The following BCAS3 variants were observed in gnomAD, a reference collection of about 807,000 sequenced individuals.
The protein encoded by BCAS3 is BCAS3 microtubule associated cell migration factor.
Under a neutral mutation model 116.1 loss-of-function variants are expected in BCAS3, and 53 were observed. The ratio of observed to expected loss-of-function variants is 0.46; its 90% CI spans 0.37 to 0.57. The LOEUF (loss-of-function observed/expected upper bound fraction) is 0.57. BCAS3 is among the 20% of genes least tolerant of loss of function. The probability of loss-of-function intolerance (pLI) is 0.00; values close to 1 mark genes in which losing one functional copy is unlikely to be tolerated. For synonymous variants in BCAS3, 391 were observed against 408.2 expected, an observed-to-expected ratio of 0.96 and a Z score of 0.51; for missense variants, 917 against 1,165.4, an observed-to-expected ratio of 0.79 and a Z score of 3.10.
At position 60,955,386 on chromosome 17, in the gene BCAS3, A is replaced by ATTTT. The variant is rs1016334366; in HGVS notation, c.1221+8050_1221+8053dup. Among the ~76,000 whole-genome samples the ATTTT allele has an allele frequency of 1.3e-3, 167 of 128,086 alleles. 7 individuals are homozygous for ATTTT. Among genetic ancestry groups the ATTTT allele is most frequent in the African/African-American group, 5.4e-3 (154 of 28,292 alleles). The allele number at this position is 128,086 out of a possible 152,430, so 84.0% of individuals were successfully genotyped here. The stretch of plus-strand genomic sequence containing the variant: ...AAAGGATCTAGTTCAGGGAAACTGA[A>ATTTT]TTTTTTTTTTTTTTTTTTTGAGACA... On this transcript the variant is annotated intron_variant, in intron 14 of 23. Transcript: ENST00000407086.
chr17:61,316,049 G>T lies in BCAS3; in HGVS notation c.2426-52278G>T, dbSNP rs895166213. Reference sequence around the variant, plus strand: ...GCCAGGCGTGGTGGCTCACACCTTTGATCCCAGCATTTTGGGAAGTCGAGG... The same window carrying T: ...GCCAGGCGTGGTGGCTCACACCTTTTATCCCAGCATTTTGGGAAGTCGAGG... On this transcript the variant is annotated intron_variant, in intron 22 of 23. Transcript: ENST00000407086. This position sits in a 1 kb window ranked among gnomAD's most constrained non-coding sequence, Gnocchi z 5.8. Among the ~76,000 whole-genome samples, 2 of 152,100 alleles carry T rather than the reference G, an allele frequency of 1.3e-5. No individual in the cohort carries two copies. The highest frequency in any genetic ancestry group is 2.9e-5 in the Non-Finnish European group (2 of 68,028).
intron 13 of BCAS3, among the ~76,000 whole-genome samples, chr17:60,936,296 G>A (rs1464924519): frequency 6.8e-6 from 1 of 148,058 alleles, no homozygotes; most frequent in Non-Finnish European, 1.5e-5. Flanking sequence ...CTTTGCTATT[G>A]TGAATAGTGC....
chr17:61,006,044 G>A (rs958948640), intron 15 of BCAS3, among the ~76,000 whole-genome samples: 9 of 151,672 alleles, frequency 5.9e-5, no homozygotes, highest in South Asian at 4.2e-4. Context: ...GAGAATATGC[G>A]GTGTTTGGTT....
Position 61,215,835 on chromosome 17 carries a change from G to C in BCAS3, c.2425+131271G>C, listed in dbSNP as rs2081750871. Among the ~76,000 whole-genome samples the C allele has an allele frequency of 6.6e-6, 1 of 152,172 alleles. No homozygotes were observed. Among genetic ancestry groups the C allele is most frequent in the African/African-American group, 2.4e-5 (1 of 41,438 alleles). On this transcript the variant is annotated intron_variant, in intron 22 of 23. Coordinates refer to ENST00000407086, the MANE Select transcript of BCAS3 (RefSeq NM_017679.5). This position sits in a 1 kb window ranked among gnomAD's most constrained non-coding sequence, Gnocchi z 4.8. ...TTTAAAAATTCCAGTTGAAGTTGGA[G>C]CTTAGGCATCAGTATTTTTCAGACT...
intron 22 of BCAS3, among the ~76,000 whole-genome samples, chr17:61,331,207 TG>T (rs1237830826): frequency 1.3e-5 from 2 of 151,648 alleles, no homozygotes; most frequent in Non-Finnish European, 2.9e-5. Context: ...ATGGAGAAGA[TG>T]GGGGCTAGAG....
rs1398892380 is a variant in BCAS3, at chr17:60,967,102, G to A, written c.1221+19750G>A. 6.6e-6 allele frequency among the ~76,000 whole-genome samples: 1 copy of A among 152,178 alleles called. No homozygotes were observed. Among genetic ancestry groups the A allele is most frequent in the African/African-American group, 2.4e-5 (1 of 41,426 alleles). On this transcript the variant is annotated intron_variant, in intron 14 of 23. Transcript: ENST00000407086. This position sits in a 1 kb window ranked among gnomAD's most constrained non-coding sequence, Gnocchi z 4.7. The stretch of plus-strand genomic sequence containing the variant: ...ATTGTACACCACCATTTCAGTTATA[G>A]AGTATTTTGTGTTTCACCATGTACT...
rs2076620099 is a variant in BCAS3 at position 61,136,096 on chromosome 17, G to A, written c.2425+51532G>A. On this transcript the variant is annotated intron_variant, in intron 22 of 23. Transcript: ENST00000407086. The surrounding 1 kb of genome is among the most constrained non-coding windows in gnomAD (Gnocchi z 4.4). ...GCCTTCCCCGCGACCGGCAGCCTGA[G>A]CTCTAACAATTCTCAACTACTAGCA... 6.5e-6 allele frequency: 1 copy of A among 153,788 alleles called. No homozygotes were observed. The allele number at this position is 153,788 out of a possible 1,614,324, so 9.5% of individuals were successfully genotyped here. A position where few individuals can be genotyped will look rare whatever the true frequency, so the allele number is the denominator to read the frequency against.
intron 23 of BCAS3, among the ~76,000 whole-genome samples, chr17:61,375,218 TTG>T (rs59961930): frequency 0.14 from 19,465 of 142,652 alleles, 2,088 homozygotes; most frequent in African/African-American, 0.33. Context: ...AAAGCACTAT[TTG>T]TGTGTGTGTG....
chr17:61,043,518 G>T (rs1356468874), intron 19 of BCAS3, among the ~76,000 whole-genome samples: 1 of 151,968 alleles, frequency 6.6e-6, no homozygotes, highest in Non-Finnish European at 1.5e-5. Flanking sequence ...CCTGCCTGGG[G>T]CCATTGCCTG....
At chr17:61,277,908 G>A (rs1414095162) in intron 22 of BCAS3, among the ~76,000 whole-genome samples, 1 of 152,228 alleles carries the variant, frequency 6.6e-6, no homozygotes, top group African/African-American at 2.4e-5. Context: ...ATGTAAAATG[G>A]TGCAGCTCCT....
intron 1 of BCAS3, 100 bp from the exon 2 acceptor site, chr17:60,679,353 G>T: frequency 2.6e-6 from 2 of 765,440 alleles, no homozygotes; most frequent in Non-Finnish European, 4.1e-6. Context: ...AGGCATTTTT[G>T]ACAAGGGATC....
chr17:60,893,849 T>C (rs1483656886), intron 10 of BCAS3, among the ~76,000 whole-genome samples: 2 of 152,010 alleles, frequency 1.3e-5, no homozygotes, highest in Non-Finnish European at 2.9e-5. Context: ...CCTCAAATGA[T>C]CCACCCACCT....
At position 61,140,851 on chromosome 17, in the gene BCAS3, T is replaced by C. The variant is rs1329559691; in HGVS notation, c.2425+56287T>C. On this transcript the variant is annotated intron_variant, in intron 22 of 23. Transcript: ENST00000407086. This position sits in a 1 kb window ranked among gnomAD's most constrained non-coding sequence, Gnocchi z 4.2. ...AATGTAGTGGATTGATGGTACATGA[T>C]TTAAGGGAAATCTTGTACTAATCTG... Among the ~76,000 whole-genome samples the C allele has an allele frequency of 6.6e-6, 1 of 152,184 alleles. No individual in the cohort carries two copies. Among genetic ancestry groups the C allele is most frequent in the Non-Finnish European group, 1.5e-5 (1 of 68,028 alleles).
At chr17:61,117,494 C>G (rs2075542713) in intron 22 of BCAS3, among the ~76,000 whole-genome samples, 1 of 151,940 alleles carries the variant, frequency 6.6e-6, no homozygotes, top group South Asian at 2.1e-4. Context: ...ACTAGGGAGG[C>G]CGAGGGAAGG....
intron 22 of BCAS3, among the ~76,000 whole-genome samples, chr17:61,288,997 C>T (rs992814642): frequency 3.3e-5 from 5 of 152,224 alleles, no homozygotes; most frequent in African/African-American, 4.8e-5. Context: ...GGAAGGGCCG[C>T]GCAGGCCTAA....
In BCAS3 at chr17:61,241,623, G is replaced by A. The variant is rs1483374994; in HGVS notation, c.2426-126704G>A. ...AGTCCCAGCTACTCGGGAGGATGAG[G>A]CAGGAAAATGGCGTGAACCCAGGAG... On this transcript the variant is annotated intron_variant, in intron 22 of 23. Coordinates refer to ENST00000407086, the MANE Select transcript of BCAS3 (RefSeq NM_017679.5). This position sits in a 1 kb window ranked among gnomAD's most constrained non-coding sequence, Gnocchi z 4.6. 6.6e-6 allele frequency among the ~76,000 whole-genome samples: 1 copy of A among 152,020 alleles called. No individual in the cohort carries two copies. The highest frequency in any genetic ancestry group is 2.4e-5 in the African/African-American group (1 of 41,388).
intron 11 of BCAS3, among the ~76,000 whole-genome samples, chr17:60,907,219 T>A (rs1423262695): frequency 6.6e-6 from 1 of 152,192 alleles, no homozygotes; most frequent in Admixed American, 6.6e-5. Context: ...AATATGAGAG[T>A]CATGAATTTT....
chr17:61,146,309 G>A (rs976954478), intron 22 of BCAS3, among the ~76,000 whole-genome samples: 2 of 151,026 alleles, frequency 1.3e-5, no homozygotes, highest in African/African-American at 4.9e-5. Context: ...GTAGAGACAG[G>A]GTTTTGCCAT....
intron 22 of BCAS3, among the ~76,000 whole-genome samples, chr17:61,115,164 C>G (rs2075348151): frequency 6.6e-6 from 1 of 152,022 alleles, no homozygotes; most frequent in East Asian, 1.9e-4. Context: ...CATTACCATT[C>G]AGGACATAGG....
Sources: allele counts gnomAD v4.1 joint callset (sites outside exome capture counted in the v4.1 genomes callset), GRCh38; gene constraint gnomAD v4.1.1; non-coding constraint Gnocchi (gnomAD v3.1); transcripts MANE v1.5; gene names NCBI Gene and HGNC (gene_info 2026-07-23, HGNC 2026-07-21).